Variants in SESN1 observed in about 807,000 individuals in gnomAD.
SESN1 encodes the protein sestrin 1, also known as sestrin-1.
SESN1 carries 30 observed loss-of-function variants against 59.3 expected under a neutral mutation model. The observed-to-expected ratio is 0.51, with a 90% CI of 0.38 to 0.69. The LOEUF (loss-of-function observed/expected upper bound fraction) is 0.69, where lower values mean the gene tolerates loss of function less well. Among genes scored for constraint, SESN1 ranks in the 30% least tolerant of loss-of-function variants. The probability of loss-of-function intolerance (pLI) is 0.00; values close to 1 mark genes in which losing one functional copy is unlikely to be tolerated. For synonymous variants in SESN1, 197 were observed against 219.9 expected, an observed-to-expected ratio of 0.90 and a Z score of 0.92; for missense variants, 566 against 673.0, an observed-to-expected ratio of 0.84 and a Z score of 1.76.
chr6:109,018,351 A>G (rs1175826030), intron 1 of SESN1, among the ~76,000 whole-genome samples: 6 of 152,222 alleles, frequency 3.9e-5, no homozygotes, highest in Non-Finnish European at 8.8e-5. Flanking sequence ...CATTCTTGTA[A>G]ATGTATAAAT....
At position 109,020,779 on chromosome 6, in the gene SESN1, T is replaced by C. The variant is rs115777612; in HGVS notation, c.280-18436A>G. On this transcript the variant is annotated intron_variant, in intron 1 of 9. Coordinates refer to ENST00000436639, the MANE Select transcript of SESN1 (RefSeq NM_014454.3). The stretch of plus-strand genomic sequence containing the variant: ...TAGACACAAAAACACTGTGAAACAA[T>C]AGTTAACAGTTTTCTTCATTTTGCT... 2.4e-3 allele frequency among the ~76,000 whole-genome samples: 371 copies of C among 152,270 alleles called. 2 individuals are homozygous for C. The highest frequency in any genetic ancestry group is 8.5e-3 in the African/African-American group (355 of 41,552).
intron 1 of SESN1, among the ~76,000 whole-genome samples, chr6:109,092,384 A>G (rs1169191730): frequency 5.3e-5 from 8 of 152,210 alleles, no homozygotes; most frequent in Non-Finnish European, 1.5e-5. Context: ...ATTTATCATT[A>G]TATTGAAATC....
chr6:109,011,639 T>C (rs1029766645), intron 1 of SESN1, among the ~76,000 whole-genome samples: 1 of 151,050 alleles, frequency 6.6e-6, no homozygotes, highest in Non-Finnish European at 1.5e-5. Flanking sequence ...TTTCTTTTTT[T>C]TTTTTTTTGA....
chr6:109,032,582 C>G (rs1402957587), intron 1 of SESN1, among the ~76,000 whole-genome samples: 1 of 150,178 alleles, frequency 6.7e-6, no homozygotes, highest in African/African-American at 2.5e-5. Flanking sequence ...TGGGCCATTG[C>G]ACTCTAGCCT....
chr6:109,008,950 G>A, intron 1 of SESN1: 1 of 994,056 alleles, frequency 1.0e-6, no homozygotes, highest in Non-Finnish European at 1.2e-6. Context: ...GTTTTCACAA[G>A]ACAAGACAAT....
At chr6:109,056,814 C>G (rs2096436726) in intron 1 of SESN1, among the ~76,000 whole-genome samples, 1 of 152,128 alleles carries the variant, frequency 6.6e-6, no homozygotes, top group African/African-American at 2.4e-5. Context: ...CTGTATAGTC[C>G]CTTCCCATAC....
chr6:109,024,956 T>A (rs1780067478), intron 1 of SESN1, among the ~76,000 whole-genome samples: 1 of 151,968 alleles, frequency 6.6e-6, no homozygotes, highest in African/African-American at 2.4e-5. Flanking sequence ...GTAACAGAAA[T>A]CCTCAGAAAC....
At chr6:109,028,145 CT>C (rs979032682) in intron 1 of SESN1, among the ~76,000 whole-genome samples, 11 of 149,358 alleles carry the variant, frequency 7.4e-5, no homozygotes, top group Non-Finnish European at 1.5e-5. Context: ...AGGTTGTAAA[CT>C]TTTTTTCCCC....
chr6:109,050,522 A>G (rs1780525590), intron 1 of SESN1, among the ~76,000 whole-genome samples: 2 of 152,218 alleles, frequency 1.3e-5, no homozygotes, highest in South Asian at 4.1e-4. Flanking sequence ...AGGAGGAAAA[A>G]TTAGTTGGAC....
At chr6:109,061,084 T>C (rs1396678316) in intron 1 of SESN1, among the ~76,000 whole-genome samples, 4 of 152,168 alleles carry the variant, frequency 2.6e-5, no homozygotes, top group Non-Finnish European at 5.9e-5. Context: ...CTTTTTGAAA[T>C]ATCTCACACA....
At chr6:109,038,658 G>A (rs553496236) in intron 1 of SESN1, among the ~76,000 whole-genome samples, 6 of 152,336 alleles carry the variant, frequency 3.9e-5, no homozygotes, top group African/African-American at 1.2e-4. Flanking sequence ...CTCTGAGTGG[G>A]ATGTGGGACA....
At chr6:109,043,723 T>G (rs1780377766) in intron 1 of SESN1, among the ~76,000 whole-genome samples, 1 of 152,152 alleles carries the variant, frequency 6.6e-6, no homozygotes, top group Admixed American at 6.5e-5. Context: ...TGGAGAAATA[T>G]TCAATGCTCA....
chr6:109,009,911 G>T (rs1779827231), intron 1 of SESN1, among the ~76,000 whole-genome samples: 1 of 152,036 alleles, frequency 6.6e-6, no homozygotes, highest in Non-Finnish European at 1.5e-5. Flanking sequence ...AGCCAACCTC[G>T]AGACTGATTC....
chr6:109,076,950 G>A (rs1361643338), intron 1 of SESN1, among the ~76,000 whole-genome samples: 1 of 152,170 alleles, frequency 6.6e-6, no homozygotes, highest in Non-Finnish European at 1.5e-5. Flanking sequence ...CAAACCTAGA[G>A]GGTAAACTCT....
chr6:109,002,460 T>C (rs1000540054), intron 1 of SESN1, 117 bp from the exon 2 acceptor site: 4 of 753,136 alleles, frequency 5.3e-6, no homozygotes, highest in Non-Finnish European at 9.2e-6. Flanking sequence ...TTTGATGGTT[T>C]GTTTTCATGG....
At chr6:109,014,232 C>T (rs1779900588) in intron 1 of SESN1, among the ~76,000 whole-genome samples, 1 of 152,066 alleles carries the variant, frequency 6.6e-6, no homozygotes, top group South Asian at 2.1e-4. Context: ...GTTGCTTTTA[C>T]CCCAAAATCA....
At chr6:109,009,396 C>T (rs1779809692) in intron 1 of SESN1, 1 of 1,461,818 alleles carries the variant, frequency 6.8e-7, no homozygotes, top group African/African-American at 1.5e-5. Context: ...CTGCTTGCAG[C>T]CCAGCAGCCC....
At chr6:109,082,768 A>C (rs961159793) in intron 1 of SESN1, among the ~76,000 whole-genome samples, 6 of 152,216 alleles carry the variant, frequency 3.9e-5, no homozygotes, top group Non-Finnish European at 7.3e-5. Context: ...TACAAAAGGC[A>C]ATTAGGGATT....
chr6:108,996,949 G>A lies in SESN1; in HGVS notation c.972+1564C>T, dbSNP rs547685318. On this transcript the variant is annotated intron_variant, in intron 5 of 9. Transcript: ENST00000436639. Reference sequence around the variant, plus strand: ...AAAGAAGCCAATCTGAAAAGGCTACGTACTGTATGATTCCAACTATATAAC... The same window carrying A: ...AAAGAAGCCAATCTGAAAAGGCTACATACTGTATGATTCCAACTATATAAC... 1.6e-4 allele frequency among the ~76,000 whole-genome samples: 24 copies of A among 149,034 alleles called. No homozygotes were observed. The South Asian group carries it at 3.1e-3, about 19-fold the overall frequency.
Sources: allele counts gnomAD v4.1 joint callset (sites outside exome capture counted in the v4.1 genomes callset), GRCh38; gene constraint gnomAD v4.1.1; transcripts MANE v1.5; gene names NCBI Gene and HGNC (gene_info 2026-07-23, HGNC 2026-07-21).